The following PARVB variants were observed in gnomAD, a reference collection of about 807,000 sequenced individuals.
PARVB encodes beta-parvin.
PARVB carries 46 observed loss-of-function variants against 47.0 expected under a neutral mutation model. The ratio of observed to expected loss-of-function variants is 0.98; its 90% CI spans 0.77 to 1.25. PARVB has a LOEUF of 1.25. Among genes scored for constraint, PARVB ranks in the 50% most tolerant of loss-of-function variants. The probability of loss-of-function intolerance (pLI) is 0.00; values close to 1 mark genes in which losing one functional copy is unlikely to be tolerated. For synonymous variants in PARVB, 196 were observed against 196.3 expected, an observed-to-expected ratio of 1.00 and a Z score of 0.01; for missense variants, 473 against 471.6, an observed-to-expected ratio of 1.00 and a Z score of -0.03.
chr22:44,163,608 C>T (rs1373023104), intron 11 of PARVB, among the ~76,000 whole-genome samples: 1 of 152,230 alleles, frequency 6.6e-6, no homozygotes. Context: ...CCGGGCACCT[C>T]ATCCTTCCAT....
rs1804854615 is a variant in PARVB at position 44,145,881 on chromosome 22, T to C, written c.713-1980T>C. The stretch of plus-strand genomic sequence containing the variant: ...CTGCATTTATAGTTTGCGTATTGCT[T>C]TGTAAAGATGTAAAAATTTCACTTT... On this transcript the variant is annotated intron_variant, in intron 8 of 12. Transcript: ENST00000338758. 2.6e-5 allele frequency: 4 copies of C among 151,130 alleles called. 1 individual carries two copies. Among genetic ancestry groups the C allele is most frequent in the Admixed American group, 2.6e-4 (4 of 15,120 alleles). 9.4% of individuals were successfully genotyped at this position (151,130 alleles called of 1,614,324 possible).
intron 1 of PARVB, among the ~76,000 whole-genome samples, chr22:44,042,959 T>C (rs2051045828): frequency 6.6e-6 from 1 of 152,186 alleles, no homozygotes; most frequent in African/African-American, 2.4e-5. Context: ...TTGTTTAAGG[T>C]TTACTGGCGC....
upstream of PARVB, chr22:44,024,288 G>T: frequency 2.1e-6 from 2 of 967,190 alleles, no homozygotes; most frequent in South Asian, 4.7e-5. Context: ...TCCCCGGGGC[G>T]ACCGGGCGGC....
rs1019955702 is a variant in PARVB, at chr22:44,000,397, G to A, written c.211+724G>A. Among the ~76,000 whole-genome samples, 3 of 152,236 alleles carry A rather than the reference G, an allele frequency of 2.0e-5. 1 individual carries two copies. The highest frequency in any genetic ancestry group is 4.4e-5 in the Non-Finnish European group (3 of 68,042). ...GTGGGTTCAAATACTGGGCCACTGT[G>A]AATATGAGGCACAGTCCCCTGTTTC... On this transcript the variant is annotated intron_variant, in intron 2 of 13. Coordinates refer to the PARVB transcript ENST00000406477.
At chr22:44,037,859 TAAG>T (rs372903054) in intron 1 of PARVB, among the ~76,000 whole-genome samples, 8 of 152,214 alleles carry the variant, frequency 5.3e-5, no homozygotes, top group African/African-American at 1.7e-4. Flanking sequence ...TTGGTGTTTA[TAAG>T]AAGAAGACAG....
intron 1 of PARVB, chr22:44,069,083 G>C: frequency 6.2e-7 from 1 of 1,607,576 alleles, no homozygotes; most frequent in Non-Finnish European, 8.5e-7. Flanking sequence ...TATATGAACG[G>C]GGTGTGTGCC....
intron 8 of PARVB, chr22:44,146,744 T>G (rs1385747967): frequency 6.6e-6 from 1 of 152,254 alleles, no homozygotes; most frequent in African/African-American, 2.4e-5. Flanking sequence ...ACTAGACGGG[T>G]GGGAGGAGCT....
intron 3 of PARVB, chr22:44,108,125 C>T (rs34070163): frequency 0.073 from 11,175 of 152,396 alleles, 470 homozygotes; most frequent in Middle Eastern, 0.11. Context: ...CTGCCTGCCT[C>T]AGCCTCCCAA....
rs1258366546 is a variant in PARVB, at chr22:44,151,167, C to A, written c.775-316C>A. 6 of 251,976 alleles carry A rather than the reference C, an allele frequency of 2.4e-5. No homozygotes were observed. The East Asian group carries it at 4.7e-4, about 20-fold the overall frequency. The allele number at this position is 251,976 out of a possible 1,614,324, so 15.6% of individuals were successfully genotyped here. A position where few individuals can be genotyped will look rare whatever the true frequency, so the allele number is the denominator to read the frequency against. On this transcript the variant is annotated intron_variant, in intron 9 of 12. Coordinates refer to ENST00000338758, the MANE Select transcript of PARVB (RefSeq NM_013327.5). ...TGCAAATGTAATGATCCTCCCCTGG[C>A]AGTTTCATCTTTCTTAAGAGCACAG...
chr22:44,145,915 G>GTTTTCAAATTTTTTTT (rs2053654453), intron 8 of PARVB: 1 of 140,692 alleles, frequency 7.1e-6, no homozygotes, highest in African/African-American at 2.6e-5. Context: ...TTTTTTTTTT[G>GTTTTCAAATTTTTTTT]TTTTGCCCCT....
chr22:44,014,349 A>G (rs2050555189), intron 2 of PARVB, among the ~76,000 whole-genome samples: 2 of 152,206 alleles, frequency 1.3e-5, no homozygotes, highest in Admixed American at 6.5e-5. Context: ...ATTATATGGA[A>G]CTGGCCTCTT....
At chr22:44,124,122 A>G (rs1601641855) in intron 4 of PARVB, among the ~76,000 whole-genome samples, 1 of 152,168 alleles carries the variant, frequency 6.6e-6, no homozygotes, top group East Asian at 1.9e-4. Flanking sequence ...ACCTATGAAG[A>G]TTGTGGGGTC....
At chr22:44,119,871 G>T in intron 4 of PARVB, 1 of 529,906 alleles carries the variant, frequency 1.9e-6, no homozygotes, top group Non-Finnish European at 3.9e-6. Flanking sequence ...CCTGGGGGTG[G>T]GGCGGCCTTG....
intron 1 of PARVB, among the ~76,000 whole-genome samples, chr22:44,091,778 A>T (rs891664157): frequency 6.6e-6 from 1 of 152,226 alleles, no homozygotes; most frequent in Non-Finnish European, 1.5e-5. Context: ...GTTCCCTCGA[A>T]TCAAAGAACT....
chr22:44,000,594 G>C (rs950401819), intron 2 of PARVB, among the ~76,000 whole-genome samples: 1 of 152,200 alleles, frequency 6.6e-6, no homozygotes, highest in Non-Finnish European at 1.5e-5. Context: ...CATTCAGTTT[G>C]TTGCATTTGA....
At chr22:44,005,394 T>C (rs1433024390) in intron 2 of PARVB, among the ~76,000 whole-genome samples, 4 of 150,702 alleles carry the variant, frequency 2.7e-5, no homozygotes, top group Admixed American at 2.6e-4. Context: ...ATTACATGTA[T>C]GAGGTACCAC....
chr22:44,083,510 A>G (rs2051955422), intron 1 of PARVB, among the ~76,000 whole-genome samples: 1 of 152,132 alleles, frequency 6.6e-6, no homozygotes, highest in African/African-American at 2.4e-5. Context: ...GTGGAAACCC[A>G]GAGGAGGGGC....
chr22:44,131,757 C>T, intron 5 of PARVB, 130 bp downstream of exon 5: 1 of 969,548 alleles, frequency 1.0e-6, no homozygotes, highest in Non-Finnish European at 1.5e-6. Context: ...GGGTTCATCT[C>T]CCTGCTCTGT....
intron 1 of PARVB, among the ~76,000 whole-genome samples, chr22:44,081,078 G>C (rs546878471): frequency 6.6e-6 from 1 of 152,336 alleles, no homozygotes; most frequent in South Asian, 2.1e-4. Flanking sequence ...TCCAGCAGGG[G>C]TGTGGGGACC....
Sources: gnomAD v4.1 joint callset for allele counts (sites outside exome capture counted in the v4.1 genomes callset) on GRCh38, gnomAD v4.1.1 for gene constraint, MANE v1.5 for transcripts, NCBI Gene and HGNC (gene_info 2026-07-23, HGNC 2026-07-21) for gene names.